Variants in NELL2 observed in about 807,000 individuals in gnomAD.
The protein encoded by NELL2 is protein kinase C-binding protein NELL2.
A neutral mutation model predicts 109.6 loss-of-function variants in NELL2; 41 were observed. That is an observed-to-expected ratio of 0.37 (90% CI 0.29 to 0.49). NELL2 has a LOEUF of 0.49. Ranked by LOEUF, NELL2 falls within the 20% of genes least tolerant of loss-of-function variation. The probability of loss-of-function intolerance (pLI) is 0.98; values close to 1 mark genes in which losing one functional copy is unlikely to be tolerated. For synonymous variants in NELL2, 355 were observed against 344.7 expected, an observed-to-expected ratio of 1.03 and a Z score of -0.33; for missense variants, 900 against 1,008.3, an observed-to-expected ratio of 0.89 and a Z score of 1.45.
At chr12:44,809,386 A>C (rs2136670558) in intron 3 of NELL2, among the ~76,000 whole-genome samples, 1 of 152,164 alleles carries the variant, frequency 6.6e-6, no homozygotes, top group Non-Finnish European at 1.5e-5. Flanking sequence ...TTACCTTTCG[A>C]AACACAATAG....
chr12:44,687,574 C>T (rs1175920231), intron 12 of NELL2, among the ~76,000 whole-genome samples: 2 of 152,128 alleles, frequency 1.3e-5, no homozygotes, highest in African/African-American at 2.4e-5. Flanking sequence ...AGAGTTAGTT[C>T]TTCTTTTTGA....
At chr12:44,597,813 A>G (rs999829529) in intron 15 of NELL2, among the ~76,000 whole-genome samples, 1 of 152,226 alleles carries the variant, frequency 6.6e-6, no homozygotes, top group Non-Finnish European at 1.5e-5. Context: ...AAGAAAAGAA[A>G]ACTAAAGGAA....
intron 12 of NELL2, among the ~76,000 whole-genome samples, chr12:44,679,864 C>A (rs923968368): frequency 2.0e-5 from 3 of 152,124 alleles, no homozygotes; most frequent in African/African-American, 7.2e-5. Context: ...CTTCCCTAAC[C>A]TCTGGCCACA....
At chr12:44,848,507 A>C (rs1360530063) in intron 2 of NELL2, among the ~76,000 whole-genome samples, 1 of 152,144 alleles carries the variant, frequency 6.6e-6, no homozygotes, top group Non-Finnish European at 1.5e-5. Context: ...CCCCAGAGCA[A>C]CACACAGACA....
chr12:44,633,065 C>T (rs75879514), intron 13 of NELL2, among the ~76,000 whole-genome samples: 18 of 152,104 alleles, frequency 1.2e-4, no homozygotes, highest in South Asian at 2.1e-4. Flanking sequence ...AAAACACACA[C>T]ACATGCATAC....
At chr12:44,808,230 G>A (rs1039889694) in intron 3 of NELL2, among the ~76,000 whole-genome samples, 24 of 152,150 alleles carry the variant, frequency 1.6e-4, no homozygotes, top group Non-Finnish European at 2.6e-4. Flanking sequence ...AGTGTGAAAC[G>A]GGGGATGTGT....
chr12:44,602,035 A>G (rs1200819108), intron 15 of NELL2, among the ~76,000 whole-genome samples: 1 of 152,178 alleles, frequency 6.6e-6, no homozygotes, highest in African/African-American at 2.4e-5. Context: ...TTACGTCTTA[A>G]TTATCTAAGC....
chr12:44,903,273 C>T (rs546731357), intron 1 of NELL2, among the ~76,000 whole-genome samples: 2 of 152,116 alleles, frequency 1.3e-5, no homozygotes, highest in Non-Finnish European at 2.9e-5. Context: ...ATGTGGCCAA[C>T]AAACATATTT....
At chr12:44,655,514 A>C (rs1947468887) in intron 13 of NELL2, among the ~76,000 whole-genome samples, 1 of 152,208 alleles carries the variant, frequency 6.6e-6, no homozygotes, top group Non-Finnish European at 1.5e-5. Flanking sequence ...AATTGTATGC[A>C]TGCACATATG....
chr12:44,686,370 G>A (rs543812834), intron 12 of NELL2, among the ~76,000 whole-genome samples: 29 of 152,056 alleles, frequency 1.9e-4, no homozygotes, highest in African/African-American at 3.1e-4. Flanking sequence ...ATGTCCTCCC[G>A]TAGCTCGGAG....
rs201613984 is a variant in NELL2 at position 44,665,634 on chromosome 12, G to A, written c.1319-25C>T. 137 of 1,602,098 alleles carry A rather than the reference G, an allele frequency of 8.6e-5. No homozygotes were observed. In the South Asian group the frequency reaches 1.2e-3, roughly 14 times the overall value. The stretch of plus-strand genomic sequence containing the variant: ...TCTGTGAAGAAAAACAGGACAAAGA[G>A]GTCAACAGTGGGCAATATTCTGGAG... On this transcript the variant is annotated intron_variant, in intron 12 of 19. Transcript: ENST00000429094.
intron 3 of NELL2, among the ~76,000 whole-genome samples, chr12:44,810,113 T>C (rs1943125961): frequency 6.6e-6 from 1 of 152,112 alleles, no homozygotes; most frequent in South Asian, 2.1e-4. Flanking sequence ...ATGAAAACTT[T>C]GTGATGCCAT....
At chr12:44,700,173 T>C (rs891171841) in intron 12 of NELL2, among the ~76,000 whole-genome samples, 9 of 152,154 alleles carry the variant, frequency 5.9e-5, no homozygotes, top group African/African-American at 2.2e-4. Flanking sequence ...CATCATCTAC[T>C]ACCACCAATT....
intron 9 of NELL2, among the ~76,000 whole-genome samples, chr12:44,765,985 T>A (rs1003532342): frequency 6.6e-6 from 1 of 151,552 alleles, no homozygotes; most frequent in Non-Finnish European, 1.5e-5. Flanking sequence ...CTGAGCATGG[T>A]GGCTGGCACC....
chr12:44,529,175 T>G (rs985453799), intron 16 of NELL2, among the ~76,000 whole-genome samples: 1 of 152,094 alleles, frequency 6.6e-6, no homozygotes, highest in Non-Finnish European at 1.5e-5. Context: ...CAAAAGGTAG[T>G]AATGGCTTAG....
chr12:44,626,722 A>G (rs1254934359), intron 13 of NELL2, among the ~76,000 whole-genome samples: 2 of 152,112 alleles, frequency 1.3e-5, no homozygotes, highest in Admixed American at 6.6e-5. Context: ...TGATATGAAG[A>G]AATTGAGGTT....
chr12:44,911,998 T>G (rs1487127525), intron 1 of NELL2, among the ~76,000 whole-genome samples: 1 of 150,606 alleles, frequency 6.6e-6, no homozygotes, highest in Non-Finnish European at 1.5e-5. Flanking sequence ...AATAAATAAA[T>G]AAAAATAAAA....
intron 2 of NELL2, among the ~76,000 whole-genome samples, chr12:44,844,203 G>T (rs897258104): frequency 2.6e-5 from 4 of 152,184 alleles, no homozygotes; most frequent in African/African-American, 9.7e-5. Flanking sequence ...ATCTCTGAAA[G>T]ATTCCATCTC....
chr12:44,704,482 A>C (rs1937744127), intron 11 of NELL2, among the ~76,000 whole-genome samples: 1 of 152,234 alleles, frequency 6.6e-6, no homozygotes, highest in African/African-American at 2.4e-5. Context: ...ATAAGAGAAA[A>C]GAAAAATGGA....
Sources: allele counts gnomAD v4.1 joint callset (sites outside exome capture counted in the v4.1 genomes callset), GRCh38; gene constraint gnomAD v4.1.1; transcripts MANE v1.5; gene names NCBI Gene and HGNC (gene_info 2026-07-23, HGNC 2026-07-21).